Variants in FGA observed in about 807,000 individuals in gnomAD.
The protein encoded by FGA is fibrinogen alpha chain.
In FGA, 20 loss-of-function variants were observed where a neutral mutation model predicts 20.3. The ratio of observed to expected loss-of-function variants is 0.99; its 90% CI spans 0.69 to 1.43. The LOEUF (loss-of-function observed/expected upper bound fraction) is 1.43. Ranked by LOEUF, FGA falls within the 40% of genes most tolerant of loss-of-function variation. FGA has a pLI of 0.00. For missense variants in FGA, 777 were observed against 784.7 expected (o/e 0.99, Z 0.12); for synonymous variants, 306 against 281.6 (o/e 1.09, Z -0.87).
intron 1 of FGA, among the ~76,000 whole-genome samples, 169 bp from the exon 2 acceptor site, chr4:154,589,731 A>G (rs530343799): frequency 1.3e-5 from 2 of 152,308 alleles, no homozygotes; most frequent in South Asian, 4.1e-4. Context: ...TCAAATGGAA[A>G]TCCTAGGACC....
chr4:154,585,741 T>C lies in FGA; in HGVS notation c.1688A>G (p.His563Arg). The C allele has an allele frequency of 6.2e-7, 1 of 1,614,178 alleles. No homozygotes were observed. Among genetic ancestry groups the C allele is most frequent in the East Asian group, 2.2e-5 (1 of 44,878 alleles). The change falls in exon 5 of 5, where the codon CAT becomes CGT. Residue 563 changes from histidine (H) to arginine (R), a missense_variant. By Grantham distance (29) the His-to-Arg change is conservative (BLOSUM62 0). Transcript: ENST00000403106. ...AGGGAATTCAGCTATCCCAGGGTGATGAGAACTGGATTCCTTTGTATTTGT... is the reference window on the plus strand; with the variant it reads ...AGGGAATTCAGCTATCCCAGGGTGACGAGAACTGGATTCCTTTGTATTTGT... ...IFTNTKESSS[H>R]HPGIAEFPSR...
rs751832077 is a variant in FGA at position 154,587,629 on chromosome 4, T to C, written c.393A>G (p.Ser131=). 4 of 1,613,922 alleles carry C rather than the reference T, an allele frequency of 2.5e-6. No individual in the cohort carries two copies. The South Asian group carries it at 4.4e-5, about 18-fold the overall frequency. ...NNRDNTYNRV[S]EDLRSRIEVL... is the part of the protein sequence containing the mutation. ...CTTCAATTCTGCTTCTCAGATCCTC[T>C]GACACTCGGTTGTAGGTATTATCAC... Residue 131 remains serine (S), a synonymous_variant, in exon 4 of 5, where the codon TCA becomes TCG. Coordinates refer to ENST00000403106, the MANE Select transcript of FGA (RefSeq NM_021871.4).
intron 4 of FGA, 99 bp downstream of exon 4, chr4:154,587,413 C>G: frequency 8.8e-7 from 1 of 1,140,112 alleles, no homozygotes; most frequent in Non-Finnish European, 1.3e-6. Flanking sequence ...GGATATAACA[C>G]TTTTCTCTGC....
intron 4 of FGA, 108 bp downstream of exon 4, chr4:154,587,404 G>T: frequency 9.7e-7 from 1 of 1,032,676 alleles, no homozygotes; most frequent in Non-Finnish European, 1.5e-6. Flanking sequence ...GTAGATGATG[G>T]ATATAACACT....
rs755193875 is a variant in FGA, at chr4:154,586,171, C to G, written c.1258G>C (p.Val420Leu). The G allele has an allele frequency of 6.8e-6, 11 of 1,614,076 alleles. No individual in the cohort carries two copies. Among genetic ancestry groups the G allele is most frequent in the East Asian group, 2.2e-5 (1 of 44,892 alleles). ...TACTCTCTCCTTGTCCCTGGACTTA[C>G]ATTTCCTGACACCTCTTCAAATGTG... ...WGTFEEVSGN[V>L]SPGTRREYHT... Residue 420 changes from valine to leucine, a missense_variant, in exon 5 of 5, where the codon GTA becomes CTA. Physicochemically the swap from Val to Leu is conservative, Grantham distance 32. Transcript: ENST00000403106.
rs1730802314 is a variant in FGA at position 154,588,904 on chromosome 4, TTC to T, written c.251_252del (p.Arg84AsnfsTer3). ...IDEVNQDFTNRINKLKNSLFE... is the reference protein window; with the variant it reads ...IDEVNQDFTNXINKLKNSLFE... ...AATAGTGAATTTTTGAGCTTATTTATTCTGTTTGTAAAATCTTGATTGACTTC... is the reference window on the plus strand; with the variant it reads ...AATAGTGAATTTTTGAGCTTATTTATTGTTTGTAAAATCTTGATTGACTTC... On this transcript the variant is annotated frameshift_variant, in exon 3 of 5. Transcript: ENST00000403106. LOFTEE classifies it high-confidence loss of function. The T allele has an allele frequency of 6.2e-7, 1 of 1,613,032 alleles. No homozygotes were observed. The highest frequency in any genetic ancestry group is 8.5e-7 in the Non-Finnish European group (1 of 1,179,236).
Position 154,589,429 on chromosome 4 carries a change from C to CT in FGA, c.180+7dup, listed in dbSNP as rs750088896. ...AGGAATCTCCTGCTTCCCCCGCTGACTGCTTACCCAGTCTTCATCAGAGCA... is the reference window on the plus strand; with the variant it reads ...AGGAATCTCCTGCTTCCCCCGCTGACTTGCTTACCCAGTCTTCATCAGAGCA... On this transcript the variant is annotated splice_region_variant and intron_variant, in intron 2 of 4. Coordinates refer to ENST00000403106, the MANE Select transcript of FGA (RefSeq NM_021871.4). 2 of 1,613,958 alleles carry CT rather than the reference C, an allele frequency of 1.2e-6. No individual in the cohort carries two copies. Among genetic ancestry groups the CT allele is most frequent in the East Asian group, 2.2e-5 (1 of 44,890 alleles).
chr4:154,588,312 A>G, intron 3 of FGA, among the ~76,000 whole-genome samples: 1 of 152,194 alleles, frequency 6.6e-6, no homozygotes, highest in Non-Finnish European at 1.5e-5. Flanking sequence ...AATGTTTCCT[A>G]ACCCTAATGA....
At chr4:154,584,780 T>C (rs754043070), downstream of FGA, 3 of 1,614,002 alleles carry the variant, frequency 1.9e-6, no homozygotes, top group Non-Finnish European at 1.7e-6. Flanking sequence ...AGCTTGATAT[T>C]GAAAATGCCA....
downstream of FGA, chr4:154,583,965 TA>T: frequency 4.6e-6 from 3 of 656,256 alleles, no homozygotes; most frequent in Non-Finnish European, 8.2e-6. Context: ...TTTCAAAGAC[TA>T]ATATGTCTCA....
Position 154,586,191 on chromosome 4 carries a change from A to G in FGA, c.1238T>C (p.Phe413Ser). The part of the protein sequence containing the change: ...ARPNNPDWGT[F>S]EEVSGNVSPG... ...ACTTACATTTCCTGACACCTCTTCA[A>G]ATGTGCCCCAGTCTGGGTTGTTAGG... is the stretch of plus-strand genomic sequence containing the variant. The change falls in exon 5 of 5, where the codon TTT (phenylalanine) becomes TCT (serine). Residue 413 changes from phenylalanine (F) to serine (S), a missense_variant. Coordinates refer to ENST00000403106, the MANE Select transcript of FGA (RefSeq NM_021871.4). 8 of 1,614,072 alleles carry G rather than the reference A, an allele frequency of 5.0e-6. No individual in the cohort carries two copies. The highest frequency in any genetic ancestry group is 6.8e-6 in the Non-Finnish European group (8 of 1,180,000).
At chr4:154,583,936 A>T (rs185743436), downstream of FGA, 1 of 607,040 alleles carries the variant, frequency 1.6e-6, no homozygotes, top group Admixed American at 2.9e-5. Flanking sequence ...AGATAAAAAA[A>T]ACCTTACATA....
intron 3 of FGA, 142 bp from the exon 4 acceptor site, chr4:154,587,799 G>GAAAGAAAC: frequency 1.5e-6 from 1 of 682,874 alleles, no homozygotes; most frequent in Non-Finnish European, 2.4e-6. Context: ...AAGAAAGAAA[G>GAAAGAAAC]AAAGAGAAAA....
rs1578798891 is a variant in FGA, at chr4:154,588,896, C to T, written c.261G>A (p.Lys87=). 3 of 1,611,916 alleles carry T rather than the reference C, an allele frequency of 1.9e-6. No homozygotes were observed. The highest frequency in any genetic ancestry group is 1.7e-6 in the Non-Finnish European group (2 of 1,178,334). ...GATATTCAAATAGTGAATTTTTGAG[C>T]TTATTTATTCTGTTTGTAAAATCTT... ...VNQDFTNRIN[K]LKNSLFEYQK... is the part of the protein sequence containing the mutation. The change falls in exon 3 of 5, where the codon AAG becomes AAA. Residue 87 remains lysine, a synonymous_variant. Coordinates refer to ENST00000403106, the MANE Select transcript of FGA (RefSeq NM_021871.4).
At chr4:154,583,223 A>T (rs552298894), downstream of FGA, 3 of 152,332 alleles carry the variant, frequency 2.0e-5, no homozygotes, top group Admixed American at 1.3e-4. Context: ...GACCACCAGG[A>T]TTAAAGATGC....
At position 154,585,462 on chromosome 4, in the gene FGA, TG is replaced by T. The variant is rs1730682156; in HGVS notation, c.*31del. The stretch of plus-strand genomic sequence containing the variant: ...GTTAAGAAGGAAATGCAAGGGGCCA[TG>T]GGAACACTGTGCAGAAATATTTAAC... On this transcript the variant is annotated 3_prime_UTR_variant, in exon 5 of 5. Transcript: ENST00000403106. 1 of 1,417,970 alleles carries T rather than the reference TG, an allele frequency of 7.1e-7. No homozygotes were observed. Among genetic ancestry groups the T allele is most frequent in the African/African-American group, 1.4e-5 (1 of 70,820 alleles). 87.8% of individuals were successfully genotyped at this position (1,417,970 alleles called of 1,614,324 possible).
chr4:154,585,851 T>A lies in FGA; in HGVS notation c.1578A>T (p.Gly526=), dbSNP rs754691388. ...GTGAGAAGAAACCTGGGAATGTTTT[T>A]CCAGTTGAGGCAGTGTCGAAGAAGG... The part of the protein sequence containing the change: ...EAAFFDTAST[G]KTFPGFFSPM... Residue 526 remains glycine, a synonymous_variant, in exon 5 of 5, where the codon GGA becomes GGT. Transcript: ENST00000403106. 6.2e-7 allele frequency: 1 copy of A among 1,614,148 alleles called. No homozygotes were observed. Among genetic ancestry groups the A allele is most frequent in the East Asian group, 2.2e-5 (1 of 44,882 alleles).
Position 154,587,535 on chromosome 4 carries a change from A to G in FGA, c.487T>C (p.Leu163=). The change falls in exon 4 of 5, where the codon TTG becomes CTG. Residue 163 remains leucine (L), a synonymous_variant. Coordinates refer to ENST00000403106, the MANE Select transcript of FGA (RefSeq NM_021871.4). The stretch of plus-strand genomic sequence containing the variant: ...ACCTCCAGTCGTTTCATATCAACCA[A>G]CTGAGCTCTAACATTTTTCTGCAGA... The part of the protein sequence containing the change: ...QLLQKNVRAQ[L]VDMKRLEVDI... 6.2e-7 allele frequency: 1 copy of G among 1,613,844 alleles called. No individual in the cohort carries two copies. Among genetic ancestry groups the G allele is most frequent in the Non-Finnish European group, 8.5e-7 (1 of 1,179,926 alleles).
In FGA at chr4:154,588,812, G is replaced by T; in HGVS notation, c.345C>A (p.Gly115=). The part of the protein sequence containing the change: ...LTTNIMEILR[G]DFSSANNRDN... ...ACTTACTATTGGCTGAGGAAAAATC[G>T]CCTCTCAAAATTTCCATTATATTAG... is the stretch of plus-strand genomic sequence containing the variant. The change falls in exon 3 of 5, where the codon GGC becomes GGA. Residue 115 remains glycine, a synonymous_variant. Transcript: ENST00000403106. The T allele has an allele frequency of 6.2e-7, 1 of 1,610,186 alleles. No homozygotes were observed. Among genetic ancestry groups the T allele is most frequent in the Non-Finnish European group, 8.5e-7 (1 of 1,177,890 alleles).
Sources: allele counts gnomAD v4.1 joint callset (sites outside exome capture counted in the v4.1 genomes callset), GRCh38; gene constraint gnomAD v4.1.1; transcripts MANE v1.5; gene names NCBI Gene and HGNC (gene_info 2026-07-23, HGNC 2026-07-21).